Variants in ANKRD1 observed in about 807,000 individuals in gnomAD.
ANKRD1 encodes ankyrin repeat domain-containing protein 1.
In ANKRD1, 32 loss-of-function variants were observed where a neutral mutation model predicts 40.1. That is an observed-to-expected ratio of 0.80 (90% CI 0.60 to 1.07). The LOEUF is 1.07. Ranked by LOEUF, ANKRD1 falls within the 50% of genes least tolerant of loss-of-function variation. The pLI, the probability that ANKRD1 is intolerant of heterozygous loss-of-function variation, is 0.00. For missense variants in ANKRD1, 359 were observed against 386.0 expected (o/e 0.93, Z 0.59); for synonymous variants, 149 against 141.2 (o/e 1.06, Z -0.39).
Position 90,917,824 on chromosome 10 carries a change from G to GT in ANKRD1, c.459dup (p.Arg154ThrfsTer6). 1 of 1,612,846 alleles carries GT rather than the reference G, an allele frequency of 6.2e-7. No homozygotes were observed. The highest frequency in any genetic ancestry group is 8.5e-7 in the Non-Finnish European group (1 of 1,178,968). ...AAGCATGCTCTATGAAGAGCTGTCC[G>GT]TTTATACTATCAGAACAGAGATTTT... On this transcript the variant is annotated frameshift_variant, in exon 5 of 9. Transcript: ENST00000371697. LOFTEE classifies it high-confidence loss of function.
At chr10:90,920,044 G>T in intron 2 of ANKRD1, 125 bp downstream of exon 2, 2 of 1,349,332 alleles carry the variant, frequency 1.5e-6, no homozygotes, top group Non-Finnish European at 2.1e-6. Context: ...GCCTCTTTAC[G>T]GGTTAGAATC....
At position 90,915,528 on chromosome 10, in the gene ANKRD1, G is replaced by T. The variant is rs767080569; in HGVS notation, c.849+15C>A. Reference sequence around the variant, plus strand: ...GGAAAGCTTGCAAGCGGTGTTTCTTGTTTCCAGTACTTACACAGTTCTTGA... The same window carrying T: ...GGAAAGCTTGCAAGCGGTGTTTCTTTTTTCCAGTACTTACACAGTTCTTGA... On this transcript the variant is annotated intron_variant, in intron 8 of 8. Coordinates refer to ENST00000371697, the MANE Select transcript of ANKRD1 (RefSeq NM_014391.3). The T allele has an allele frequency of 1.2e-6, 2 of 1,605,376 alleles. No individual in the cohort carries two copies. The highest frequency in any genetic ancestry group is 1.7e-6 in the Non-Finnish European group (2 of 1,173,148).
rs71025330 is a variant in ANKRD1, at chr10:90,912,291, TAAAAAAAAAA to T, written c.*565_*574del. On this transcript the variant is annotated 3_prime_UTR_variant, in exon 9 of 9. Transcript: ENST00000371697. Reference sequence around the variant, plus strand: ...TCACTTGGGTACTCTGTGTACTCGGTAAAAAAAAAAAAAAAAAAAAAAAAAAAAAATCCAG... The same window carrying T: ...TCACTTGGGTACTCTGTGTACTCGGTAAAAAAAAAAAAAAAAAAAATCCAG... 5.5e-4 allele frequency: 39 copies of T among 70,644 alleles called. No homozygotes were observed. Among genetic ancestry groups the T allele is most frequent in the African/African-American group, 1.4e-3 (30 of 21,600 alleles). 4.4% of individuals were successfully genotyped at this position (70,644 alleles called of 1,614,324 possible). A position where few individuals can be genotyped will look rare whatever the true frequency, so the allele number is the denominator to read the frequency against.
At chr10:90,917,662 T>C in intron 5 of ANKRD1, 70 bp downstream of exon 5, 2 of 1,349,532 alleles carry the variant, frequency 1.5e-6, no homozygotes, top group Middle Eastern at 3.6e-4. Flanking sequence ...CGGTTTTGCA[T>C]TGGAGGTTTT....
rs373898620 is a variant in ANKRD1, at chr10:90,915,765, C to G, written c.750+17G>C. ...GCAATGAAGCTTTGGGAAACCCGAGCGTGTCCAGCTACTCACTCTGTCTTT... is the reference window on the plus strand; with the variant it reads ...GCAATGAAGCTTTGGGAAACCCGAGGGTGTCCAGCTACTCACTCTGTCTTT... On this transcript the variant is annotated intron_variant, in intron 7 of 8. Transcript: ENST00000371697. 2.5e-6 allele frequency: 4 copies of G among 1,613,566 alleles called. No individual in the cohort carries two copies. The highest frequency in any genetic ancestry group is 3.4e-6 in the Non-Finnish European group (4 of 1,179,784).
At chr10:90,915,416 G>T in intron 8 of ANKRD1, 127 bp downstream of exon 8, 1 of 816,024 alleles carries the variant, frequency 1.2e-6, no homozygotes, top group South Asian at 1.5e-5. Context: ...TGGGGAAATG[G>T]GCAGGGGCAT....
chr10:90,915,717 G>A (rs1847361589), intron 7 of ANKRD1, 65 bp downstream of exon 7: 6 of 1,610,576 alleles, frequency 3.7e-6, no homozygotes, highest in Non-Finnish European at 5.1e-6. Flanking sequence ...CCCAGGCTTG[G>A]GGGAGTGATT....
chr10:90,916,035 T>A, intron 6 of ANKRD1, 136 bp downstream of exon 6: 3 of 425,362 alleles, frequency 7.1e-6, no homozygotes, highest in Non-Finnish European at 1.3e-5. Flanking sequence ...GGTTAGGAGA[T>A]GGAGGGGTGG....
intron 2 of ANKRD1, 108 bp downstream of exon 2, chr10:90,920,061 A>C: frequency 6.7e-7 from 1 of 1,490,590 alleles, no homozygotes; most frequent in Non-Finnish European, 9.3e-7. Flanking sequence ...AATCTGGTAA[A>C]GAGACATCTT....
chr10:90,913,067 G>A (rs1329987587), intron 8 of ANKRD1, 91 bp from the exon 9 acceptor site: 7 of 1,176,182 alleles, frequency 6.0e-6, no homozygotes, highest in African/African-American at 1.5e-5. Flanking sequence ...GTAAGGATTA[G>A]GTATATGTTA....
At chr10:90,917,540 G>A (rs1847385220) in intron 5 of ANKRD1, among the ~76,000 whole-genome samples, 192 bp downstream of exon 5, 1 of 152,142 alleles carries the variant, frequency 6.6e-6, no homozygotes, top group South Asian at 2.1e-4. Flanking sequence ...TCTATTTTCA[G>A]TATGTATGGA....
At chr10:90,920,863 A>G in intron 1 of ANKRD1, 138 bp downstream of exon 1, 1 of 788,064 alleles carries the variant, frequency 1.3e-6, no homozygotes, top group Non-Finnish European at 2.1e-6. Context: ...CACTTGTTTC[A>G]TCACATCAAC....
chr10:90,916,494 G>A (rs192792569), intron 5 of ANKRD1, among the ~76,000 whole-genome samples: 5 of 152,186 alleles, frequency 3.3e-5, no homozygotes, highest in Admixed American at 2.0e-4. Context: ...ATCTAATAAT[G>A]TTTTAAAAGA....
chr10:90,914,258 C>G (rs1564573355), intron 8 of ANKRD1, among the ~76,000 whole-genome samples: 1 of 152,096 alleles, frequency 6.6e-6, no homozygotes, highest in Non-Finnish European at 1.5e-5. Context: ...GTTCCATAAA[C>G]CTGATGCTAA....
rs1032358913 is a variant in ANKRD1, at chr10:90,912,763, C to G, written c.*103G>C. 1 of 1,097,078 alleles carries G rather than the reference C, an allele frequency of 9.1e-7. No individual in the cohort carries two copies. Among genetic ancestry groups the G allele is most frequent in the Non-Finnish European group, 1.4e-6 (1 of 711,756 alleles). 68.0% of individuals were successfully genotyped at this position (1,097,078 alleles called of 1,614,324 possible). On this transcript the variant is annotated 3_prime_UTR_variant, in exon 9 of 9. Transcript: ENST00000371697. ...CTTCATTAGGTACATCTTCACAACA[C>G]GTTGATAAATAGAAACTAGATTTTA...
At chr10:90,917,503 A>G (rs1040424041) in intron 5 of ANKRD1, among the ~76,000 whole-genome samples, 8 of 152,174 alleles carry the variant, frequency 5.3e-5, no homozygotes, top group African/African-American at 1.9e-4. Context: ...AACAGCTTTC[A>G]CTTCCTTCTT....
intron 5 of ANKRD1, 67 bp downstream of exon 5, chr10:90,917,665 G>T: frequency 7.2e-7 from 1 of 1,384,280 alleles, no homozygotes; most frequent in Admixed American, 1.7e-5. Flanking sequence ...TTTTGCATTG[G>T]AGGTTTTCCG....
At chr10:90,917,219 T>C (rs903152080) in intron 5 of ANKRD1, among the ~76,000 whole-genome samples, 4 of 152,350 alleles carry the variant, frequency 2.6e-5, no homozygotes, top group Non-Finnish European at 5.9e-5. Flanking sequence ...TGCTGCATAC[T>C]GGTCTTCGTA....
In ANKRD1 at chr10:90,915,552, G is replaced by T. The variant is rs779229769; in HGVS notation, c.840C>A (p.Ile280=). 3 of 1,613,484 alleles carry T rather than the reference G, an allele frequency of 1.9e-6. No individual in the cohort carries two copies. The South Asian group carries it at 3.3e-5, about 18-fold the overall frequency. ...LLIMYGADLN[I]KNCAGKTPMD... ...TGTTTCCAGTACTTACACAGTTCTT[G>T]ATGTTGAGATCCGCGCCATACATAA... The change falls in exon 8 of 9, where the codon ATC becomes ATA. Residue 280 remains isoleucine (I), a synonymous_variant. Coordinates refer to ENST00000371697, the MANE Select transcript of ANKRD1 (RefSeq NM_014391.3).
Sources: gnomAD v4.1 joint callset for allele counts (sites outside exome capture counted in the v4.1 genomes callset) on GRCh38, gnomAD v4.1.1 for gene constraint, MANE v1.5 for transcripts, NCBI Gene and HGNC (gene_info 2026-07-23, HGNC 2026-07-21) for gene names.